RIMS4: variants seen among roughly 807,000 people sequenced by gnomAD.
The protein encoded by RIMS4 is regulating synaptic membrane exocytosis protein 4.
In RIMS4, 9 loss-of-function variants were observed where a neutral mutation model predicts 29.0. The ratio of observed to expected loss-of-function variants is 0.31; its 90% confidence interval spans 0.19 to 0.54. RIMS4 has a LOEUF of 0.54. RIMS4 is among the 20% of genes least tolerant of loss of function. The pLI, the probability that RIMS4 is intolerant of heterozygous loss-of-function variation, is 0.94. For missense variants in RIMS4, 193 were observed against 365.7 expected (o/e 0.53, Z 3.85); for synonymous variants, 130 against 152.9 (o/e 0.85, Z 1.10).
chr20:44,768,660 A>C (rs180691113), intron 2 of RIMS4, among the ~76,000 whole-genome samples: 10 of 152,240 alleles, frequency 6.6e-5, no homozygotes, highest in African/African-American at 2.4e-4. Flanking sequence ...GGAGGCCAAG[A>C]CTGTCCCCTG....
At chr20:44,793,402 G>C (rs1053301641) in intron 1 of RIMS4, among the ~76,000 whole-genome samples, 10 of 152,176 alleles carry the variant, frequency 6.6e-5, no homozygotes, top group South Asian at 2.1e-4. Flanking sequence ...GAATGCGGAG[G>C]GGGAGGGAGC....
chr20:44,765,729 C>A (rs900403494), intron 2 of RIMS4, among the ~76,000 whole-genome samples: 3 of 152,150 alleles, frequency 2.0e-5, no homozygotes, highest in African/African-American at 4.8e-5. Context: ...CTGCCTTACA[C>A]TCTGCTTCCC....
At chr20:44,798,040 ACCTCAGGCCAC>A (rs1436919733) in intron 1 of RIMS4, among the ~76,000 whole-genome samples, 1 of 152,160 alleles carries the variant, frequency 6.6e-6, no homozygotes, top group African/African-American at 2.4e-5. Flanking sequence ...TTCTGCTTTC[ACCTCAGGCCAC>A]CTATTAGGGC....
chr20:44,756,805 A>G lies in RIMS4; in HGVS notation c.591+93T>C, dbSNP rs2145441858. On this transcript the variant is annotated intron_variant, in intron 5 of 5. Coordinates refer to ENST00000372851, the MANE Select transcript of RIMS4 (RefSeq NM_182970.4). The surrounding 1 kb of genome is among the most constrained non-coding windows in gnomAD (Gnocchi z 5.9). ...TTCCTCCAGGCGAGGCCCTCCAGAGACACCCCCCGCCAGGGGTGCCCTCCT... is the reference window on the plus strand; with the variant it reads ...TTCCTCCAGGCGAGGCCCTCCAGAGGCACCCCCCGCCAGGGGTGCCCTCCT... 1.5e-6 allele frequency: 2 copies of G among 1,318,462 alleles called. No individual in the cohort carries two copies. Among genetic ancestry groups the G allele is most frequent in the Non-Finnish European group, 2.0e-6 (2 of 979,680 alleles). The allele number at this position is 1,318,462 out of a possible 1,614,324, so 81.7% of individuals were successfully genotyped here. A position where few individuals can be genotyped will look rare whatever the true frequency, so the allele number is the denominator to read the frequency against.
chr20:44,764,067 TATCC>T (rs1170004249), intron 2 of RIMS4, among the ~76,000 whole-genome samples: 29 of 90,252 alleles, frequency 3.2e-4, no homozygotes, highest in South Asian at 4.4e-4. Context: ...TCCATCCATT[TATCC>T]ATCCATCCAT....
rs535507628 is a variant in RIMS4, at chr20:44,801,643, A to G, written c.97+8532T>C. On this transcript the variant is annotated intron_variant, in intron 1 of 5. Coordinates refer to ENST00000372851, the MANE Select transcript of RIMS4 (RefSeq NM_182970.4). ...ATTCCCAGAGCTGTCTGGGTCCAAT[A>G]TCCCATGCAATGGTCTCATGGCCTG... is the stretch of plus-strand genomic sequence containing the variant. Among the ~76,000 whole-genome samples the G allele has an allele frequency of 2.6e-5, 4 of 152,268 alleles. No individual in the cohort carries two copies. The East Asian group carries it at 7.7e-4, about 29-fold the overall frequency.
At chr20:44,785,172 C>G (rs2066202443) in intron 1 of RIMS4, among the ~76,000 whole-genome samples, 2 of 151,970 alleles carry the variant, frequency 1.3e-5, no homozygotes, top group Admixed American at 6.6e-5. Flanking sequence ...CACATACACA[C>G]AGTATGTTGC....
At chr20:44,757,862 C>G in intron 3 of RIMS4, 91 bp from the exon 4 acceptor site, 1 of 1,185,766 alleles carries the variant, frequency 8.4e-7, no homozygotes, top group Non-Finnish European at 1.2e-6. Context: ...GCTGAAACCC[C>G]CTTCCCCTGC....
chr20:44,759,243 T>C (rs1435786328), intron 2 of RIMS4, among the ~76,000 whole-genome samples: 1 of 152,008 alleles, frequency 6.6e-6, no homozygotes, highest in Non-Finnish European at 1.5e-5. Context: ...TTTTTTGTTG[T>C]TGTTCTGGTT....
chr20:44,764,093 C>CCACCCAT (rs2066099364), intron 2 of RIMS4, among the ~76,000 whole-genome samples: 1 of 35,656 alleles, frequency 2.8e-5, no homozygotes, highest in South Asian at 1.1e-3. Flanking sequence ...CATCCATCCA[C>CCACCCAT]CCATCCATCC....
intron 2 of RIMS4, among the ~76,000 whole-genome samples, chr20:44,760,937 G>A (rs930940851): frequency 6.6e-6 from 1 of 152,114 alleles, no homozygotes; most frequent in Non-Finnish European, 1.5e-5. Flanking sequence ...GGGGATGTGG[G>A]CGGCAATACA....
At position 44,790,080 on chromosome 20, in the gene RIMS4, A is replaced by C. The variant is rs189966101; in HGVS notation, c.98-18667T>G. On this transcript the variant is annotated intron_variant, in intron 1 of 5. Transcript: ENST00000372851. The stretch of plus-strand genomic sequence containing the variant: ...CAGAGAATCCCAAATGTGGTTGAAC[A>C]TCAGAATCGCCTGGGAGCTTGTGAA... Among the ~76,000 whole-genome samples the C allele has an allele frequency of 1.9e-3, 286 of 152,380 alleles. 1 individual carries two copies. The highest frequency in any genetic ancestry group is 0.01 in the Middle Eastern group (3 of 294).
At chr20:44,767,474 C>A (rs539899149) in intron 2 of RIMS4, among the ~76,000 whole-genome samples, 1 of 152,300 alleles carries the variant, frequency 6.6e-6, no homozygotes, top group African/African-American at 2.4e-5. Context: ...ACTGGCCCAG[C>A]ATGAGGCCCA....
intron 1 of RIMS4, among the ~76,000 whole-genome samples, chr20:44,801,355 C>T (rs2066276491): frequency 6.6e-6 from 1 of 152,126 alleles, no homozygotes. Context: ...TGAGCTAGAC[C>T]CCAATCTTCC....
At chr20:44,761,879 G>GT (rs1435150327) in intron 2 of RIMS4, among the ~76,000 whole-genome samples, 3 of 152,186 alleles carry the variant, frequency 2.0e-5, no homozygotes, top group African/African-American at 4.8e-5. Context: ...ATAAAGTCAC[G>GT]TAAGTGTCTG....
rs2066057094 is a variant in RIMS4, at chr20:44,755,834, G to A, written c.*300C>T. ...GGGAGAAGTTGGACAGTTTGGGAAGGGAGAGTGGTCTGCTCTGCCACCTCA... is the reference window on the plus strand; with the variant it reads ...GGGAGAAGTTGGACAGTTTGGGAAGAGAGAGTGGTCTGCTCTGCCACCTCA... On this transcript the variant is annotated 3_prime_UTR_variant, in exon 6 of 6. Coordinates refer to ENST00000372851, the MANE Select transcript of RIMS4 (RefSeq NM_182970.4). The A allele has an allele frequency of 5.7e-6, 2 of 352,544 alleles. No individual in the cohort carries two copies. Among genetic ancestry groups the A allele is most frequent in the East Asian group, 8.9e-5 (2 of 22,448 alleles). The allele number at this position is 352,544 out of a possible 1,614,324, so 21.8% of individuals were successfully genotyped here. A position where few individuals can be genotyped will look rare whatever the true frequency, so the allele number is the denominator to read the frequency against.
intron 1 of RIMS4, among the ~76,000 whole-genome samples, chr20:44,788,698 G>T (rs2066219521): frequency 6.6e-6 from 1 of 152,034 alleles, no homozygotes; most frequent in Non-Finnish European, 1.5e-5. Flanking sequence ...GGAATTCAAG[G>T]CTGCAGTGAG....
intron 2 of RIMS4, among the ~76,000 whole-genome samples, chr20:44,768,083 G>A (rs1441131564): frequency 1.3e-5 from 2 of 152,124 alleles, no homozygotes; most frequent in Non-Finnish European, 2.9e-5. Flanking sequence ...CTGACAGAGC[G>A]ACCCAACCCA....
intron 2 of RIMS4, among the ~76,000 whole-genome samples, chr20:44,771,065 A>C (rs890080168): frequency 9.9e-5 from 15 of 152,206 alleles, no homozygotes; most frequent in Admixed American, 9.8e-4. Flanking sequence ...TGGAGCCAGG[A>C]TTCAAATCCA....
Sources: allele counts gnomAD v4.1 joint callset (sites outside exome capture counted in the v4.1 genomes callset), GRCh38; gene constraint gnomAD v4.1.1; non-coding constraint Gnocchi (gnomAD v3.1); transcripts MANE v1.5; gene names NCBI Gene and HGNC (gene_info 2026-07-23, HGNC 2026-07-21).